The following CNTRL variants were observed in gnomAD, a reference collection of about 807,000 sequenced individuals.
CNTRL encodes the protein centriolin, also known as 110 kDa centrosomal protein.
CNTRL carries 233 observed loss-of-function variants against 303.7 expected under a neutral mutation model. The observed-to-expected ratio is 0.77, with a 90% confidence interval of 0.69 to 0.86. The LOEUF (loss-of-function observed/expected upper bound fraction) is 0.86. CNTRL is among the 40% of genes least tolerant of loss of function. CNTRL has a pLI of 0.00. For missense variants in CNTRL, 2,524 were observed against 2,650.6 expected, an observed-to-expected ratio of 0.95 and a Z score of 1.05; for synonymous variants, 900 against 922.2, an observed-to-expected ratio of 0.98 and a Z score of 0.44.
intron 8 of CNTRL, chr9:121,111,090 TTG>T (rs1186436410): frequency 1.3e-5 from 2 of 152,124 alleles, no homozygotes; most frequent in African/African-American, 4.8e-5. Context: ...ACAGTGTTGA[TTG>T]TGAGTTGCTT....
At chr9:121,155,268 G>C (rs1033971483) in intron 27 of CNTRL, among the ~76,000 whole-genome samples, 4 of 152,058 alleles carry the variant, frequency 2.6e-5, no homozygotes, top group Non-Finnish European at 5.9e-5. Context: ...TCTGCTACCT[G>C]TGTTTTTTTA....
intron 14 of CNTRL, among the ~76,000 whole-genome samples, chr9:121,128,463 G>A (rs1358887210): frequency 2.0e-5 from 3 of 152,110 alleles, no homozygotes; most frequent in African/African-American, 7.2e-5. Flanking sequence ...ATGTCTATTC[G>A]TATCCTTTGC....
At position 121,092,464 on chromosome 9, in the gene CNTRL, T is replaced by G. The variant is rs1460025213; in HGVS notation, c.348+2059T>G. On this transcript the variant is annotated intron_variant, in intron 4 of 43. Transcript: ENST00000373855. ...GATAGATAATATATATCTATATATATATAATATATATCTATATATATAATA... is the reference window on the plus strand; with the variant it reads ...GATAGATAATATATATCTATATATAGATAATATATATCTATATATATAATA... Among the ~76,000 whole-genome samples, 486 of 97,526 alleles carry G rather than the reference T, an allele frequency of 5.0e-3. 108 individuals carry two copies. The highest frequency in any genetic ancestry group is 0.017 in the East Asian group (77 of 4,476). 64.0% of individuals were successfully genotyped at this position (97,526 alleles called of 152,430 possible). A position where few individuals can be genotyped will look rare whatever the true frequency, so the allele number is the denominator to read the frequency against.
intron 15 of CNTRL, 40 bp from the exon 16 acceptor site, chr9:121,138,505 C>T: frequency 6.3e-7 from 1 of 1,582,186 alleles, no homozygotes; most frequent in Non-Finnish European, 8.6e-7. Context: ...TAAATTATTG[C>T]TGTTTTACAC....
At chr9:121,167,719 G>C (rs768888083) in intron 37 of CNTRL, 42 bp downstream of exon 37, 2 of 1,562,812 alleles carry the variant, frequency 1.3e-6, no homozygotes, top group South Asian at 2.3e-5. Flanking sequence ...AGCATTTTGT[G>C]GCTCATGTGA....
chr9:121,144,187 C>CCACT (rs1330094328), intron 20 of CNTRL, 105 bp downstream of exon 20: 1 of 997,014 alleles, frequency 1.0e-6, no homozygotes, highest in African/African-American at 1.6e-5. Flanking sequence ...ATTTTATAAA[C>CCACT]CACTGTAAAG....
intron 14 of CNTRL, among the ~76,000 whole-genome samples, chr9:121,130,485 A>G (rs2050789923): frequency 6.6e-6 from 1 of 151,980 alleles, no homozygotes; most frequent in South Asian, 2.1e-4. Flanking sequence ...TACCCTCTTT[A>G]TCATTTTTTA....
chr9:121,146,972 A>G (rs1036679779), intron 23 of CNTRL, among the ~76,000 whole-genome samples: 1 of 152,166 alleles, frequency 6.6e-6, no homozygotes, highest in African/African-American at 2.4e-5. Flanking sequence ...TGTCAGATGA[A>G]GCTGAAAAGT....
intron 14 of CNTRL, among the ~76,000 whole-genome samples, chr9:121,126,170 T>A (rs1182544088): frequency 6.6e-6 from 1 of 152,190 alleles, no homozygotes; most frequent in Non-Finnish European, 1.5e-5. Flanking sequence ...TGCATTTCTA[T>A]CCCTGAAAGG....
chr9:121,124,774 C>CAAAA (rs5900470), intron 13 of CNTRL, among the ~76,000 whole-genome samples: 1 of 102,110 alleles, frequency 9.8e-6, no homozygotes. Flanking sequence ...CCCGTCTCTA[C>CAAAA]AAAAAAAAAA....
In CNTRL at chr9:121,157,782, C is replaced by T; in HGVS notation, c.4539C>T (p.Ile1513=). 1 of 1,614,104 alleles carries T rather than the reference C, an allele frequency of 6.2e-7. No individual in the cohort carries two copies. The highest frequency in any genetic ancestry group is 1.1e-5 in the South Asian group (1 of 91,046). The change falls in exon 29 of 44, where the codon ATC becomes ATT. Residue 1513 remains isoleucine, a synonymous_variant. Coordinates refer to ENST00000373855, the MANE Select transcript of CNTRL (RefSeq NM_007018.6). ...CAAAGGATTTGGAGCAGCACAAAAT[C>T]AAGCAAGAAGAAATCTTGAAAGAAA... ...ADAKDLEQHK[I]KQEEILKEIN... is the part of the protein sequence containing the mutation.
At chr9:121,150,525 A>G (rs746189065) in intron 25 of CNTRL, 42 bp downstream of exon 25, 5 of 1,568,140 alleles carry the variant, frequency 3.2e-6, no homozygotes, top group East Asian at 4.5e-5. Context: ...CACTGCTTCC[A>G]TGGGTGACTG....
At chr9:121,167,438 T>C in intron 36 of CNTRL, 51 bp from the exon 37 acceptor site, 2 of 1,502,324 alleles carry the variant, frequency 1.3e-6, no homozygotes, top group East Asian at 4.6e-5. Flanking sequence ...ACTGACCACC[T>C]CTAGTAAAGA....
Position 121,141,399 on chromosome 9 carries a change from T to C in CNTRL, c.2502T>C (p.Asp834=), listed in dbSNP as rs1251666851. The change falls in exon 18 of 44, where the codon GAT becomes GAC. Residue 834 remains aspartate (D), a synonymous_variant. Coordinates refer to ENST00000373855, the MANE Select transcript of CNTRL (RefSeq NM_007018.6). The part of the protein sequence containing the change: ...TGEMNIHSPS[D]VLGKSLADLQ... Reference sequence around the variant, plus strand: ...TTACTAGCATCCATAGTCCTTCAGATGTCTTAGGGAAAAGTCTTGCTGATT... The same window carrying C: ...TTACTAGCATCCATAGTCCTTCAGACGTCTTAGGGAAAAGTCTTGCTGATT... 5.6e-6 allele frequency: 9 copies of C among 1,613,554 alleles called. No individual in the cohort carries two copies. The highest frequency in any genetic ancestry group is 1.1e-5 in the South Asian group (1 of 91,070).
intron 16 of CNTRL, among the ~76,000 whole-genome samples, chr9:121,138,937 T>C (rs1334559440): frequency 6.6e-6 from 1 of 152,210 alleles, no homozygotes; most frequent in African/African-American, 2.4e-5. Context: ...AACAATATAC[T>C]GTGTAAACTC....
At chr9:121,138,835 G>A (rs1346760682) in intron 16 of CNTRL, among the ~76,000 whole-genome samples, 156 bp downstream of exon 16, 1 of 152,182 alleles carries the variant, frequency 6.6e-6, no homozygotes, top group African/African-American at 2.4e-5. Flanking sequence ...CATAGCTCCT[G>A]TTCTCTTGTG....
intron 14 of CNTRL, 62 bp from the exon 15 acceptor site, chr9:121,135,744 C>G (rs1028917996): frequency 3.5e-6 from 5 of 1,448,652 alleles, no homozygotes; most frequent in Non-Finnish European, 4.6e-6. Context: ...ACTTATAATG[C>G]CTTGCAAATG....
intron 7 of CNTRL, 102 bp from the exon 8 acceptor site, chr9:121,107,699 TA>T: frequency 1.3e-6 from 1 of 765,336 alleles, no homozygotes; most frequent in Non-Finnish European, 2.0e-6. Flanking sequence ...GAATTGTATT[TA>T]CAATATTTTT....
chr9:121,140,800 A>G lies in CNTRL; in HGVS notation c.2483+14A>G. ...TGGGGAAATGAAGTAAGGAAAAAGC[A>G]AGACCTCCAAGTCTAGAGTGGGCCT... On this transcript the variant is annotated intron_variant, in intron 17 of 43. Transcript: ENST00000373855. 6.2e-7 allele frequency: 1 copy of G among 1,608,538 alleles called. No individual in the cohort carries two copies. The highest frequency in any genetic ancestry group is 8.5e-7 in the Non-Finnish European group (1 of 1,176,382).
Sources: allele counts gnomAD v4.1 joint callset (sites outside exome capture counted in the v4.1 genomes callset), GRCh38; gene constraint gnomAD v4.1.1; transcripts MANE v1.5; gene names NCBI Gene and HGNC (gene_info 2026-07-23, HGNC 2026-07-21).